SLC37A1: variants seen among roughly 807,000 people sequenced by gnomAD.
The protein encoded by SLC37A1 is solute carrier family 37 member 1, also known as glucose-6-phosphate exchanger SLC37A1.
In SLC37A1, 49 loss-of-function variants were observed where a neutral mutation model predicts 75.3. The ratio of observed to expected loss-of-function variants is 0.65; its 90% confidence interval spans 0.52 to 0.83. The LOEUF (loss-of-function observed/expected upper bound fraction) is 0.83. Ranked by LOEUF, SLC37A1 falls within the 40% of genes least tolerant of loss-of-function variation. The pLI is 0.00. For synonymous variants in SLC37A1, 268 were observed against 292.1 expected (o/e 0.92, Z 0.84); for missense variants, 566 against 695.0 (o/e 0.81, Z 2.09).
chr21:42,513,813 A>C (rs1193058420), upstream of SLC37A1: 1 of 145,000 alleles, frequency 6.9e-6, no homozygotes, highest in Non-Finnish European at 1.5e-5. Flanking sequence ...GGGCCAGGGA[A>C]AGTGAAAGGG....
chr21:42,560,248 C>T (rs2055795118), intron 11 of SLC37A1: 1 of 152,456 alleles, frequency 6.6e-6, no homozygotes, highest in Admixed American at 6.5e-5. Flanking sequence ...CTGTGTTCTT[C>T]CGATGGGGGC....
At chr21:42,569,915 T>C (rs2056083992) in intron 17 of SLC37A1, among the ~76,000 whole-genome samples, 1 of 152,252 alleles carries the variant, frequency 6.6e-6, no homozygotes, top group African/African-American at 2.4e-5. Flanking sequence ...CGCCCAGCCC[T>C]GGGTGGCGGG....
At position 42,536,070 on chromosome 21, in the gene SLC37A1, G is replaced by A. The variant is rs1011276492; in HGVS notation, c.350+520G>A. ...CACAGCAGAGGCAGCCATGCATGGC[G>A]GGTGGGGAACTCCAGAGAGAGACCG... On this transcript the variant is annotated intron_variant, in intron 5 of 19. Transcript: ENST00000352133. Among the ~76,000 whole-genome samples the A allele has an allele frequency of 5.3e-5, 8 of 152,324 alleles. No individual in the cohort carries two copies. The South Asian group carries it at 1.0e-3, about 20-fold the overall frequency.
intron 3 of SLC37A1, among the ~76,000 whole-genome samples, chr21:42,530,652 A>ACCCCCCCCCC (rs905052485): frequency 4.0e-5 from 1 of 25,084 alleles, no homozygotes; most frequent in Non-Finnish European, 8.6e-5. Flanking sequence ...ACACACACAC[A>ACCCCCCCCCC]CACCCCCTCT....
At chr21:42,558,794 A>G (rs2055752577) in intron 10 of SLC37A1, among the ~76,000 whole-genome samples, 164 bp from the exon 11 acceptor site, 1 of 152,204 alleles carries the variant, frequency 6.6e-6, no homozygotes, top group African/African-American at 2.4e-5. Flanking sequence ...AATGCTAATC[A>G]TTCTAACACA....
intron 13 of SLC37A1, among the ~76,000 whole-genome samples, chr21:42,564,112 T>G (rs1193720532): frequency 2.0e-5 from 3 of 150,746 alleles, no homozygotes; most frequent in African/African-American, 4.9e-5. Context: ...CCAGCTGGAC[T>G]CAGGGGCTCA....
chr21:42,506,436 G>A (rs1362554359), intron 2 of SLC37A1, among the ~76,000 whole-genome samples: 1 of 152,178 alleles, frequency 6.6e-6, no homozygotes, highest in African/African-American at 2.4e-5. Context: ...AATTAGCTGT[G>A]CTTTCCAATA....
Position 42,508,413 on chromosome 21 carries a change from G to A in SLC37A1, c.-179+5996G>A, listed in dbSNP as rs145287485. 5.5e-3 allele frequency among the ~76,000 whole-genome samples: 842 copies of A among 152,290 alleles called. 9 individuals are homozygous for A. Among genetic ancestry groups the A allele is most frequent in the Middle Eastern group, 0.014 (4 of 294 alleles). On this transcript the variant is annotated intron_variant, in intron 2 of 20. Transcript: ENST00000398341. ...CAGAGTGCTGGGATTACAGGCATGA[G>A]CCACCGTGCCTGGCCTAAGAGTATG...
intron 18 of SLC37A1, among the ~76,000 whole-genome samples, 181 bp from the exon 19 acceptor site, chr21:42,579,555 C>CCTGCCCACATCAGACAGCCCTGCCCA (rs1555889807): frequency 6.6e-6 from 1 of 152,128 alleles, no homozygotes; most frequent in South Asian, 2.1e-4. Context: ...CCACAGGAGC[C>CCTGCCCACATCAGACAGCCCTGCCCA]CAGGCCTCCG....
chr21:42,524,420 C>T (rs1568990062), intron 2 of SLC37A1, among the ~76,000 whole-genome samples: 1 of 152,216 alleles, frequency 6.6e-6, no homozygotes, highest in African/African-American at 2.4e-5. Context: ...TGCTTTTCTC[C>T]CAGCCAAACT....
At chr21:42,502,524 T>C (rs2054349488) in intron 2 of SLC37A1, 1 of 152,244 alleles carries the variant, frequency 6.6e-6, no homozygotes, top group Non-Finnish European at 1.5e-5. Context: ...TAAGCATTTT[T>C]CCCCAAATGT....
At chr21:42,537,574 C>T (rs1422071328) in intron 5 of SLC37A1, among the ~76,000 whole-genome samples, 1 of 152,136 alleles carries the variant, frequency 6.6e-6, no homozygotes, top group Non-Finnish European at 1.5e-5. Flanking sequence ...ATGTTGCTGG[C>T]ATCTAGTGGC....
At chr21:42,559,182 CTG>C in intron 11 of SLC37A1, 93 bp downstream of exon 11, 1 of 1,480,896 alleles carries the variant, frequency 6.8e-7, no homozygotes, top group Non-Finnish European at 9.0e-7. Flanking sequence ...AAAAAGACAT[CTG>C]TGGTTGTAGA....
At chr21:42,522,909 C>T (rs2054688597) in intron 2 of SLC37A1, among the ~76,000 whole-genome samples, 1 of 152,272 alleles carries the variant, frequency 6.6e-6, no homozygotes, top group Non-Finnish European at 1.5e-5. Flanking sequence ...GCTGTGAGCA[C>T]CAGCCGGGAG....
At chr21:42,566,810 C>T (rs1197319432) in intron 15 of SLC37A1, among the ~76,000 whole-genome samples, 175 bp from the exon 16 acceptor site, 1 of 152,202 alleles carries the variant, frequency 6.6e-6, no homozygotes, top group African/African-American at 2.4e-5. Context: ...GTGGATGAGC[C>T]TGAGTCTTAG....
Position 42,531,381 on chromosome 21 carries a change from G to A in SLC37A1, c.139-3317G>A, listed in dbSNP as rs141363246. ...GTGTTGCATGGACGCTTTAGCAGCC[G>A]TGACGCCCGCGTCTTCACAGGGCCC... On this transcript the variant is annotated intron_variant, in intron 3 of 19. Transcript: ENST00000352133. 8.4e-4 allele frequency among the ~76,000 whole-genome samples: 126 copies of A among 150,762 alleles called. 3 individuals carry two copies. The East Asian group carries it at 0.02, about 24-fold the overall frequency.
intron 3 of SLC37A1, among the ~76,000 whole-genome samples, chr21:42,527,798 G>A (rs553077532): frequency 3.1e-4 from 47 of 152,332 alleles, no homozygotes; most frequent in African/African-American, 1.0e-3. Flanking sequence ...TAGCAGCTGC[G>A]ATGTGCCTGG....
At position 42,547,088 on chromosome 21, in the gene SLC37A1, T is replaced by A; in HGVS notation, c.731-15T>A. 1.2e-6 allele frequency: 2 copies of A among 1,614,152 alleles called. No homozygotes were observed. Among genetic ancestry groups the A allele is most frequent in the Non-Finnish European group, 1.7e-6 (2 of 1,180,006 alleles). ...TGGTGGACCTGCTCAGCCTCACTCATGTTTGCTCTTTCAGATCCGAACGAC... is the reference window on the plus strand; with the variant it reads ...TGGTGGACCTGCTCAGCCTCACTCAAGTTTGCTCTTTCAGATCCGAACGAC... On this transcript the variant is annotated splice_polypyrimidine_tract_variant and intron_variant, in intron 8 of 19. Coordinates refer to ENST00000352133, the MANE Select transcript of SLC37A1 (RefSeq NM_001320537.2). This position sits in a 1 kb window ranked among gnomAD's most constrained non-coding sequence, Gnocchi z 6.1.
upstream of SLC37A1, among the ~76,000 whole-genome samples, chr21:42,513,723 C>A (rs2054465084): frequency 6.7e-6 from 1 of 148,804 alleles, no homozygotes; most frequent in South Asian, 2.1e-4. Flanking sequence ...CGACCCTGGG[C>A]ACGCCGGGGC....
Sources: gnomAD v4.1 joint callset for allele counts (sites outside exome capture counted in the v4.1 genomes callset) on GRCh38, gnomAD v4.1.1 for gene constraint, Gnocchi (gnomAD v3.1) non-coding constraint, MANE v1.5 for transcripts, NCBI Gene and HGNC (gene_info 2026-07-23, HGNC 2026-07-21) for gene names.